The following RUVBL1 variants were observed in gnomAD, a reference collection of about 807,000 sequenced individuals.
The protein encoded by RUVBL1 is ruvB-like 1.
Under a neutral mutation model 52.4 loss-of-function variants are expected in RUVBL1, and 4 were observed. The ratio of observed to expected loss-of-function variants is 0.08; its 90% CI spans 0.04 to 0.17. The LOEUF (loss-of-function observed/expected upper bound fraction) is 0.17, where lower values mean the gene tolerates loss of function less well. Among genes scored for constraint, RUVBL1 ranks in the 10% least tolerant of loss-of-function variants. The pLI is 1.00. For missense variants in RUVBL1, 298 were observed against 572.8 expected, an observed-to-expected ratio of 0.52 and a Z score of 4.90; for synonymous variants, 217 against 214.4, an observed-to-expected ratio of 1.01 and a Z score of -0.10.
chr3:128,152,939 C>A (rs1944261178), intron 1 of RUVBL1, among the ~76,000 whole-genome samples: 1 of 41,350 alleles, frequency 2.4e-5, no homozygotes, highest in Non-Finnish European at 4.8e-5. Context: ...CCCGCCCTCC[C>A]CCCCGCCCCC....
rs142314237 is a variant in RUVBL1, at chr3:128,131,188, A to T, written c.-39-11774T>A. Among the ~76,000 whole-genome samples, 330 of 152,244 alleles carry T rather than the reference A, an allele frequency of 2.2e-3. 3 individuals carry two copies. Among genetic ancestry groups the T allele is most frequent in the African/African-American group, 7.5e-3 (313 of 41,542 alleles). ...ATTCTATGAGGCCAGTGCTGCCCTG[A>T]TAACAAAGCCAGATAAAAACATTAT... On this transcript the variant is annotated intron_variant, in intron 1 of 9. Transcript: ENST00000464873.
intron 3 of RUVBL1, among the ~76,000 whole-genome samples, chr3:128,107,646 C>T (rs964471600): frequency 6.6e-6 from 1 of 152,168 alleles, no homozygotes; most frequent in Non-Finnish European, 1.5e-5. Context: ...TATCTGATAG[C>T]CTATAAATGG....
At chr3:128,069,262 G>A (rs1942081032) in intron 9 of RUVBL1, among the ~76,000 whole-genome samples, 1 of 152,202 alleles carries the variant, frequency 6.6e-6, no homozygotes, top group Non-Finnish European at 1.5e-5. Context: ...GTTTGGTCTA[G>A]TCACAGTCCC....
chr3:128,095,605 C>T (rs1033974271), intron 8 of RUVBL1, among the ~76,000 whole-genome samples: 3 of 152,224 alleles, frequency 2.0e-5, no homozygotes, highest in Non-Finnish European at 2.9e-5. Context: ...GGACTTGAAT[C>T]ACGCATTCGA....
intron 1 of RUVBL1, among the ~76,000 whole-genome samples, chr3:128,144,497 G>C (rs1257474160): frequency 6.6e-6 from 1 of 152,230 alleles, no homozygotes; most frequent in Non-Finnish European, 1.5e-5. Flanking sequence ...CCCAGGGACT[G>C]TGTCCAGCCT....
At chr3:128,104,153 A>G (rs1943170237) in intron 4 of RUVBL1, among the ~76,000 whole-genome samples, 1 of 152,230 alleles carries the variant, frequency 6.6e-6, no homozygotes, top group African/African-American at 2.4e-5. Context: ...CTCTTCCCCT[A>G]GAAACTCTAC....
At chr3:128,127,766 G>T (rs1445492235), upstream of RUVBL1, among the ~76,000 whole-genome samples, 1 of 152,164 alleles carries the variant, frequency 6.6e-6, no homozygotes, top group Non-Finnish European at 1.5e-5. Context: ...GGAGGCCGAG[G>T]TGGGCAGATC....
intron 3 of RUVBL1, among the ~76,000 whole-genome samples, chr3:128,111,235 AAG>A (rs1183554670): frequency 2.0e-5 from 3 of 147,860 alleles, no homozygotes; most frequent in African/African-American, 7.5e-5. Flanking sequence ...AAAAAAAAAA[AAG>A]GCTTCTGTTT....
intron 9 of RUVBL1, among the ~76,000 whole-genome samples, chr3:128,075,597 CGCACTTTCGTCGCGACTTCCCAAGTCGT>C (rs1389866358): frequency 3.3e-5 from 5 of 152,024 alleles, no homozygotes; most frequent in East Asian, 3.9e-4. Flanking sequence ...TGGGAAGTCG[CGCACTTTCGTCGCGACTTCCCAAGTCGT>C]GCTGGGTGTG....
chr3:128,149,662 C>T (rs549559193), intron 1 of RUVBL1, among the ~76,000 whole-genome samples: 34 of 152,324 alleles, frequency 2.2e-4, no homozygotes, highest in Admixed American at 3.9e-4. Flanking sequence ...GGGCCTGAAA[C>T]GCTTCCAGAG....
intron 9 of RUVBL1, among the ~76,000 whole-genome samples, chr3:128,073,942 T>C (rs535676528): frequency 7.2e-5 from 11 of 152,320 alleles, no homozygotes; most frequent in East Asian, 1.9e-4. Context: ...CTCCAAGATA[T>C]GCTGTCAAGG....
chr3:128,073,743 GTC>G (rs1274984740), intron 9 of RUVBL1, among the ~76,000 whole-genome samples: 1 of 152,240 alleles, frequency 6.6e-6, no homozygotes, highest in Non-Finnish European at 1.5e-5. Flanking sequence ...GTTCTGCAGT[GTC>G]TGTCAAACCT....
At position 128,133,041 on chromosome 3, in the gene RUVBL1, G is replaced by A. The variant is rs562867989; in HGVS notation, c.-39-13627C>T. On this transcript the variant is annotated intron_variant, in intron 1 of 9. Coordinates refer to the RUVBL1 transcript ENST00000464873. ...TGAAGGGAGAGACCCAGGCCCAGCA[G>A]TATTCAACACAACTTGAAGAGAGAG... 2.4e-4 allele frequency among the ~76,000 whole-genome samples: 36 copies of A among 152,282 alleles called. No individual in the cohort carries two copies. In the South Asian group the frequency reaches 7.3e-3, roughly 31 times the overall value.
chr3:128,123,456 C>T, intron 1 of RUVBL1, 128 bp downstream of exon 1: 1 of 1,214,988 alleles, frequency 8.2e-7, no homozygotes, highest in Non-Finnish European at 1.1e-6. Context: ...CCCATTTTCA[C>T]TTCCCTGAGG....
chr3:128,101,490 C>T (rs1182917925), intron 5 of RUVBL1, 69 bp downstream of exon 5: 2 of 1,451,152 alleles, frequency 1.4e-6, no homozygotes, highest in Non-Finnish European at 1.9e-6. Flanking sequence ...GAAAGCAACT[C>T]CCTTGTCACT....
At chr3:128,114,810 G>C (rs767660875) in intron 2 of RUVBL1, among the ~76,000 whole-genome samples, 1 of 151,242 alleles carries the variant, frequency 6.6e-6, no homozygotes, top group African/African-American at 2.4e-5. Flanking sequence ...GACTCCCCGT[G>C]GGGCCACAGG....
At position 128,087,722 on chromosome 3, in the gene RUVBL1, G is replaced by T. The variant is rs1942693023; in HGVS notation, c.1103C>A (p.Pro368Gln). The T allele has an allele frequency of 1.2e-6, 2 of 1,613,348 alleles. No individual in the cohort carries two copies. The highest frequency in any genetic ancestry group is 2.7e-5 in the African/African-American group (2 of 74,998). ...GAGGCTCACCTGTTTCATTTCCTGT[G>T]GAGTATACAGCATGGTCCGGATTAT... ...VMIIRTMLYT[P>Q]QEMKQIIKIR... Residue 368 changes from proline (P) to glutamine (Q), a missense_variant, in exon 9 of 11, where the codon CCA (proline) becomes CAA (glutamine). Coordinates refer to ENST00000322623, the MANE Select transcript of RUVBL1 (RefSeq NM_003707.3).
intron 1 of RUVBL1, among the ~76,000 whole-genome samples, chr3:128,136,634 A>C (rs1044617215): frequency 2.0e-5 from 3 of 151,700 alleles, no homozygotes; most frequent in South Asian, 2.1e-4. Flanking sequence ...AAAAAAAAAA[A>C]AAAAAACAAT....
intron 1 of RUVBL1, among the ~76,000 whole-genome samples, chr3:128,132,194 C>T (rs183037057): frequency 9.7e-4 from 148 of 152,338 alleles, no homozygotes; most frequent in Non-Finnish European, 1.9e-3. Context: ...AGCATTTAGA[C>T]AAGCCCTAGC....
Sources: gnomAD v4.1 joint callset for allele counts (sites outside exome capture counted in the v4.1 genomes callset) on GRCh38, gnomAD v4.1.1 for gene constraint, MANE v1.5 for transcripts, NCBI Gene and HGNC (gene_info 2026-07-23, HGNC 2026-07-21) for gene names.